SNX29: variants seen among roughly 807,000 people sequenced by gnomAD.
SNX29 encodes sorting nexin 29, also known as sorting nexin-29.
In SNX29, 78 loss-of-function variants were observed where a neutral mutation model predicts 102.1. The ratio of observed to expected loss-of-function variants is 0.76; its 90% CI spans 0.64 to 0.92. The LOEUF (loss-of-function observed/expected upper bound fraction) is 0.92, where lower values mean the gene tolerates loss of function less well. SNX29 is among the 40% of genes least tolerant of loss of function. The pLI is 0.00. For missense variants in SNX29, 1,280 were observed against 1,061.7 expected (o/e 1.21, Z -2.86); for synonymous variants, 580 against 414.5 (o/e 1.40, Z -4.85).
chr16:12,094,070 G>A (rs1259180973), intron 11 of SNX29, among the ~76,000 whole-genome samples: 1 of 152,110 alleles, frequency 6.6e-6, no homozygotes, highest in African/African-American at 2.4e-5. Context: ...ACATGTATTA[G>A]CAGTGGGAAC....
At chr16:12,234,244 A>T (rs1363893989) in intron 14 of SNX29, among the ~76,000 whole-genome samples, 1 of 152,162 alleles carries the variant, frequency 6.6e-6, no homozygotes, top group Non-Finnish European at 1.5e-5. Flanking sequence ...CATCGAGTGG[A>T]TGTGAAGTGG....
At chr16:12,298,112 G>T (rs377470206) in intron 15 of SNX29, among the ~76,000 whole-genome samples, 2 of 152,236 alleles carry the variant, frequency 1.3e-5, no homozygotes, top group East Asian at 3.8e-4. Context: ...GGAGGTTGCA[G>T]TGAGCTGTGA....
intron 13 of SNX29, among the ~76,000 whole-genome samples, chr16:12,152,708 C>T (rs2055351624): frequency 1.3e-5 from 2 of 152,240 alleles, no homozygotes; most frequent in Non-Finnish European, 2.9e-5. Flanking sequence ...ACATACACCA[C>T]AGGTCCCTGG....
intron 20 of SNX29, among the ~76,000 whole-genome samples, chr16:12,559,440 C>T (rs1451192065): frequency 6.6e-6 from 1 of 151,280 alleles, no homozygotes; most frequent in Non-Finnish European, 1.5e-5. Context: ...CTCAGGGCTC[C>T]CAATGATTCT....
intron 18 of SNX29, among the ~76,000 whole-genome samples, chr16:12,418,199 T>C (rs184335241): frequency 9.9e-5 from 15 of 152,280 alleles, no homozygotes; most frequent in African/African-American, 3.6e-4. Context: ...AATTGGCTGG[T>C]GATATTTCAT....
At chr16:12,480,256 C>T (rs956300579) in intron 19 of SNX29, among the ~76,000 whole-genome samples, 6 of 152,168 alleles carry the variant, frequency 3.9e-5, no homozygotes, top group Admixed American at 1.3e-4. Flanking sequence ...AAAATCAAGA[C>T]GTCACCCAGG....
intron 20 of SNX29, chr16:12,560,974 C>T (rs554477323): frequency 2.3e-5 from 5 of 213,600 alleles, no homozygotes; most frequent in South Asian, 3.7e-4. Context: ...CTTCAAGGAA[C>T]CCTTGGGTAC....
At chr16:12,303,836 G>A (rs1596827600) in intron 15 of SNX29, among the ~76,000 whole-genome samples, 1 of 152,184 alleles carries the variant, frequency 6.6e-6, no homozygotes, top group Non-Finnish European at 1.5e-5. Context: ...TTCACTGGGC[G>A]GAGTCACAGC....
At chr16:12,528,271 C>T (rs1045473736) in intron 20 of SNX29, among the ~76,000 whole-genome samples, 1 of 152,156 alleles carries the variant, frequency 6.6e-6, no homozygotes, top group Admixed American at 6.5e-5. Context: ...ACAATCTTGG[C>T]TCACTGCAAC....
intron 18 of SNX29, among the ~76,000 whole-genome samples, chr16:12,417,071 C>T (rs992244557): frequency 7.9e-5 from 12 of 152,254 alleles, no homozygotes; most frequent in African/African-American, 2.7e-4. Context: ...CTCCCAGGTG[C>T]AGCCAGGGTG....
intron 20 of SNX29, among the ~76,000 whole-genome samples, chr16:12,550,413 T>TAC (rs2077897156): frequency 6.6e-6 from 1 of 151,948 alleles, no homozygotes; most frequent in Admixed American, 6.6e-5. Context: ...TGCACGCCTG[T>TAC]ACTCCCACCT....
At chr16:12,036,625 C>T (rs1345513484) in intron 4 of SNX29, among the ~76,000 whole-genome samples, 1 of 149,220 alleles carries the variant, frequency 6.7e-6, no homozygotes, top group African/African-American at 2.5e-5. Context: ...TGAGCCACCG[C>T]GCCCAGCGGG....
intron 18 of SNX29, among the ~76,000 whole-genome samples, chr16:12,424,794 T>C (rs569630927): frequency 6.6e-6 from 1 of 152,342 alleles, no homozygotes; most frequent in African/African-American, 2.4e-5. Context: ...TCAGTTATTA[T>C]GGATCAGACA....
intron 11 of SNX29, among the ~76,000 whole-genome samples, chr16:12,083,320 C>A (rs350259): frequency 0.25 from 36,263 of 147,864 alleles, 5,552 homozygotes; most frequent in African/African-American, 0.44. Context: ...AAAAAAAAAA[C>A]CCCTCAAAAC....
intron 20 of SNX29, chr16:12,561,247 CT>C: frequency 4.3e-6 from 1 of 230,322 alleles, no homozygotes; most frequent in Non-Finnish European, 8.6e-6. Flanking sequence ...AGGCCACTCC[CT>C]CCCACTCCAC....
At chr16:12,042,407 C>T (rs2049918131) in intron 4 of SNX29, among the ~76,000 whole-genome samples, 2 of 152,122 alleles carry the variant, frequency 1.3e-5, no homozygotes, top group Non-Finnish European at 2.9e-5. Context: ...AGGTTTAGGG[C>T]ACGATTGAAC....
intron 14 of SNX29, among the ~76,000 whole-genome samples, chr16:12,238,850 A>G (rs2078016504): frequency 6.6e-6 from 1 of 152,122 alleles, no homozygotes; most frequent in African/African-American, 2.4e-5. Flanking sequence ...GTCCTGGTCC[A>G]CTTTATCTTT....
chr16:12,557,341 T>C (rs2078432145), intron 20 of SNX29: 1 of 151,852 alleles, frequency 6.6e-6, no homozygotes, highest in South Asian at 2.2e-4. Context: ...GGGAAGAACC[T>C]CAGAAGAGGG....
intron 15 of SNX29, among the ~76,000 whole-genome samples, chr16:12,333,408 A>G (rs778011831): frequency 1.3e-5 from 2 of 152,120 alleles, no homozygotes; most frequent in Non-Finnish European, 2.9e-5. Context: ...CCTGGCCGCA[A>G]TCAGTTAATT....
Sources: gnomAD v4.1 joint callset for allele counts (sites outside exome capture counted in the v4.1 genomes callset) on GRCh38, gnomAD v4.1.1 for gene constraint, MANE v1.5 for transcripts, NCBI Gene and HGNC (gene_info 2026-07-23, HGNC 2026-07-21) for gene names.